The following ZC3H7A variants were observed in gnomAD, a reference collection of about 807,000 sequenced individuals.
ZC3H7A encodes zinc finger CCCH-type containing 7A, also known as zinc finger CCCH domain-containing protein 7A.
In ZC3H7A, 44 loss-of-function variants were observed where a neutral mutation model predicts 125.5. That is an observed-to-expected ratio of 0.35 (90% confidence interval 0.28 to 0.45). The LOEUF (loss-of-function observed/expected upper bound fraction) is 0.45, where lower values mean the gene tolerates loss of function less well. ZC3H7A is among the 20% of genes least tolerant of loss of function. The probability of loss-of-function intolerance (pLI) is 1.00; values close to 1 mark genes in which losing one functional copy is unlikely to be tolerated. For missense variants in ZC3H7A, 977 were observed against 1,170.7 expected (o/e 0.83, Z 2.41); for synonymous variants, 399 against 391.2 (o/e 1.02, Z -0.23).
intron 8 of ZC3H7A, 119 bp downstream of exon 8, chr16:11,774,861 T>G (rs1490544660): frequency 8.3e-7 from 1 of 1,200,442 alleles, no homozygotes; most frequent in Non-Finnish European, 1.2e-6. Flanking sequence ...ACTTTCATAT[T>G]AATACATTAA....
chr16:11,775,989 A>G (rs1037918383), intron 7 of ZC3H7A, among the ~76,000 whole-genome samples: 2 of 150,468 alleles, frequency 1.3e-5, no homozygotes, highest in African/African-American at 4.9e-5. Context: ...GTGAAACCCC[A>G]TCGCTACAAA....
chr16:11,782,272 C>T lies in ZC3H7A; in HGVS notation c.68+15G>A. 1 of 1,614,128 alleles carries T rather than the reference C, an allele frequency of 6.2e-7. No individual in the cohort carries two copies. The highest frequency in any genetic ancestry group is 8.5e-7 in the Non-Finnish European group (1 of 1,179,972). On this transcript the variant is annotated intron_variant, in intron 2 of 22. Transcript: ENST00000355758. ...TTAGGACGCGGCAAGAACACAAGAA[C>T]TCTGAAGCTCTTACTGTATAAACTG...
At chr16:11,789,119 G>C (rs2053308208) in intron 1 of ZC3H7A, among the ~76,000 whole-genome samples, 1 of 152,166 alleles carries the variant, frequency 6.6e-6, no homozygotes, top group Non-Finnish European at 1.5e-5. Context: ...TCCTGGTTGT[G>C]ACAGTGTGCT....
intron 1 of ZC3H7A, among the ~76,000 whole-genome samples, chr16:11,792,034 A>G (rs1160499360): frequency 6.6e-6 from 1 of 152,124 alleles, no homozygotes; most frequent in Non-Finnish European, 1.5e-5. Context: ...CAGCCTCCCA[A>G]GTAGCTGGAA....
chr16:11,775,242 G>A (rs993589315), intron 7 of ZC3H7A, among the ~76,000 whole-genome samples: 2 of 151,966 alleles, frequency 1.3e-5, no homozygotes, highest in African/African-American at 4.8e-5. Context: ...ATGGTGGCAG[G>A]CATCTGTAAT....
intron 3 of ZC3H7A, among the ~76,000 whole-genome samples, chr16:11,781,111 G>A (rs533546868): frequency 2.6e-5 from 4 of 152,094 alleles, no homozygotes; most frequent in South Asian, 2.1e-4. Context: ...GAAAAAAAAA[G>A]TCCTATATAG....
intron 19 of ZC3H7A, chr16:11,759,158 A>T (rs1378419298): frequency 6.6e-6 from 1 of 152,204 alleles, no homozygotes; most frequent in Non-Finnish European, 1.5e-5. Context: ...TACTGGTAGG[A>T]AAATAAAGTG....
chr16:11,770,244 ATTGT>A (rs2052956175), intron 10 of ZC3H7A, among the ~76,000 whole-genome samples: 1 of 152,128 alleles, frequency 6.6e-6, no homozygotes, highest in Non-Finnish European at 1.5e-5. Context: ...TTTTCTAGTG[ATTGT>A]TTGAAGTATA....
chr16:11,785,373 G>A (rs1031787403), intron 1 of ZC3H7A, among the ~76,000 whole-genome samples: 3 of 151,754 alleles, frequency 2.0e-5, no homozygotes, highest in African/African-American at 7.3e-5. Flanking sequence ...GGGTGTGGTG[G>A]TGCGTACCAG....
chr16:11,786,102 G>A (rs1377724204), intron 1 of ZC3H7A, among the ~76,000 whole-genome samples: 4 of 152,138 alleles, frequency 2.6e-5, no homozygotes, highest in Non-Finnish European at 5.9e-5. Flanking sequence ...TTGGAGCCAC[G>A]TAAATGAATT....
chr16:11,761,303 G>A (rs975386068), intron 19 of ZC3H7A, 103 bp downstream of exon 19: 29 of 1,102,488 alleles, frequency 2.6e-5, no homozygotes, highest in African/African-American at 7.8e-5. Context: ...TATTACTGAC[G>A]AATATTATTT....
chr16:11,784,251 G>A (rs967054142), intron 1 of ZC3H7A, among the ~76,000 whole-genome samples: 1 of 152,050 alleles, frequency 6.6e-6, no homozygotes, highest in African/African-American at 2.4e-5. Flanking sequence ...GCTGGATGAG[G>A]GGCATGGAAG....
chr16:11,767,689 C>A, intron 12 of ZC3H7A, 111 bp from the exon 13 acceptor site: 5 of 1,111,290 alleles, frequency 4.5e-6, no homozygotes, highest in South Asian at 1.9e-5. Context: ...TAAATTCCCA[C>A]AGAAATCCCA....
intron 21 of ZC3H7A, among the ~76,000 whole-genome samples, chr16:11,754,795 G>C (rs2141154817): frequency 2.0e-5 from 3 of 150,842 alleles, no homozygotes; most frequent in Middle Eastern, 6.9e-3. Flanking sequence ...GGGAGGCTGA[G>C]GCAGGAGAAT....
chr16:11,763,112 TG>T lies in ZC3H7A; in HGVS notation c.2002+365del, dbSNP rs979328149. 7 of 257,070 alleles carry T rather than the reference TG, an allele frequency of 2.7e-5. No individual in the cohort carries two copies. The South Asian group carries it at 4.3e-4, about 16-fold the overall frequency. The allele number at this position is 257,070 out of a possible 1,614,324, so 15.9% of individuals were successfully genotyped here. A position where few individuals can be genotyped will look rare whatever the true frequency, so the allele number is the denominator to read the frequency against. On this transcript the variant is annotated intron_variant, in intron 16 of 22. Transcript: ENST00000355758. ...AAGGGGAGGTCTCCAAATTCCTTTT[TG>T]TTTTTTTTTTTTTTGAGACAGTCTC...
intron 1 of ZC3H7A, among the ~76,000 whole-genome samples, chr16:11,787,836 C>CT (rs2053282167): frequency 6.6e-6 from 1 of 151,948 alleles, no homozygotes; most frequent in Non-Finnish European, 1.5e-5. Context: ...ATCCCAGCTA[C>CT]TCGGAAGGCT....
At chr16:11,779,889 G>A (rs1033281356) in intron 3 of ZC3H7A, among the ~76,000 whole-genome samples, 9 of 151,222 alleles carry the variant, frequency 6.0e-5, no homozygotes, top group South Asian at 2.1e-4. Flanking sequence ...TTTTTTTAAT[G>A]GTATCCTCTT....
At chr16:11,776,046 A>G (rs2053074578) in intron 7 of ZC3H7A, among the ~76,000 whole-genome samples, 1 of 152,140 alleles carries the variant, frequency 6.6e-6, no homozygotes, top group African/African-American at 2.4e-5. Context: ...CTGTGGTCCC[A>G]GCTACTCGGG....
At chr16:11,773,681 G>A (rs1343959832) in intron 9 of ZC3H7A, among the ~76,000 whole-genome samples, 1 of 151,764 alleles carries the variant, frequency 6.6e-6, no homozygotes, top group Non-Finnish European at 1.5e-5. Context: ...AGGAGATCAA[G>A]ACCATTCTGG....
Sources: gnomAD v4.1 joint callset for allele counts (sites outside exome capture counted in the v4.1 genomes callset) on GRCh38, gnomAD v4.1.1 for gene constraint, MANE v1.5 for transcripts, NCBI Gene and HGNC (gene_info 2026-07-23, HGNC 2026-07-21) for gene names.